The following RAC1 variants were observed in gnomAD, a reference collection of about 807,000 sequenced individuals.
RAC1 encodes ras-related C3 botulinum toxin substrate 1.
RAC1 carries 2 observed loss-of-function variants against 25.2 expected under a neutral mutation model. The observed-to-expected ratio is 0.08, with a 90% CI of 0.03 to 0.25. The LOEUF (loss-of-function observed/expected upper bound fraction) is 0.25. RAC1 is among the 10% of genes least tolerant of loss of function. The pLI is 1.00. For synonymous variants in RAC1, 88 were observed against 94.0 expected (o/e 0.94, Z 0.37); for missense variants, 50 against 235.7 (o/e 0.21, Z 5.16).
intron 1 of RAC1, among the ~76,000 whole-genome samples, chr7:6,381,957 T>TA (rs1782777705): frequency 6.6e-6 from 1 of 152,106 alleles, no homozygotes; most frequent in Non-Finnish European, 1.5e-5. Flanking sequence ...ATTTGACAGT[T>TA]ACTAAATTCT....
At chr7:6,380,190 T>G (rs1782725429) in intron 1 of RAC1, among the ~76,000 whole-genome samples, 1 of 152,192 alleles carries the variant, frequency 6.6e-6, no homozygotes, top group African/African-American at 2.4e-5. Context: ...TGAATTTGTT[T>G]AAGCTTTTCA....
intron 1 of RAC1, among the ~76,000 whole-genome samples, chr7:6,376,108 T>A (rs1782584932): frequency 6.6e-6 from 1 of 150,686 alleles, no homozygotes; most frequent in African/African-American, 2.4e-5. Context: ...CTGATTTTTG[T>A]AAGATGCCCA....
chr7:6,399,008 C>T (rs892448931), intron 3 of RAC1, among the ~76,000 whole-genome samples: 1 of 152,202 alleles, frequency 6.6e-6, no homozygotes, highest in Admixed American at 6.5e-5. Context: ...ATGGAGACTC[C>T]TCCCGGAAGC....
chr7:6,376,862 C>G (rs1476885483), intron 1 of RAC1, among the ~76,000 whole-genome samples: 1 of 147,590 alleles, frequency 6.8e-6, no homozygotes, highest in South Asian at 2.1e-4. Context: ...ATAGCAGATA[C>G]GTTTATTTAA....
intron 2 of RAC1, among the ~76,000 whole-genome samples, chr7:6,389,655 G>T (rs977405782): frequency 6.6e-6 from 1 of 152,028 alleles, no homozygotes; most frequent in Non-Finnish European, 1.5e-5. Flanking sequence ...ACTCCAGCCT[G>T]GGCAACAGAA....
Position 6,395,044 on chromosome 7 carries a change from C to T in RAC1, c.225+3003C>T, listed in dbSNP as rs36066556. 1.4e-3 allele frequency among the ~76,000 whole-genome samples: 210 copies of T among 152,134 alleles called. 1 individual carries two copies. The highest frequency in any genetic ancestry group is 4.7e-3 in the African/African-American group (195 of 41,500). On this transcript the variant is annotated intron_variant, in intron 3 of 5. Coordinates refer to ENST00000348035, the MANE Select transcript of RAC1 (RefSeq NM_006908.5). Reference sequence around the variant, plus strand: ...TAATTTTTTATATTTTTAGTAGAGACGGGGTTTCACCATGTTAGCCAGGAT... The same window carrying T: ...TAATTTTTTATATTTTTAGTAGAGATGGGGTTTCACCATGTTAGCCAGGAT...
In RAC1 at chr7:6,403,374, GGTT is replaced by G. The variant is rs1379363573; in HGVS notation, c.*932_*934del. ...TGGGCATTTAATTCATCTTTAAACTGGTTGTTCTGTTAGTCGCTAACTTAGTAA... is the reference window on the plus strand; with the variant it reads ...TGGGCATTTAATTCATCTTTAAACTGGTTCTGTTAGTCGCTAACTTAGTAA... On this transcript the variant is annotated 3_prime_UTR_variant, in exon 6 of 6. Coordinates refer to ENST00000348035, the MANE Select transcript of RAC1 (RefSeq NM_006908.5). 1.2e-4 allele frequency: 26 copies of G among 211,872 alleles called. No homozygotes were observed. The highest frequency in any genetic ancestry group is 5.4e-4 in the African/African-American group (24 of 44,244). The allele number at this position is 211,872 out of a possible 1,614,324, so 13.1% of individuals were successfully genotyped here.
At chr7:6,388,346 CTTTTTTTT>C (rs71008389) in intron 2 of RAC1, among the ~76,000 whole-genome samples, 4 of 121,810 alleles carry the variant, frequency 3.3e-5, no homozygotes, top group South Asian at 2.6e-4. Context: ...TGTTGTTTTC[CTTTTTTTT>C]TTTTTTTTTT....
intron 4 of RAC1, 136 bp downstream of exon 4, chr7:6,400,324 T>A (rs1783361572): frequency 2.4e-6 from 2 of 819,242 alleles, no homozygotes; most frequent in African/African-American, 1.7e-5. Flanking sequence ...AGTACATGAT[T>A]GGGTTTTTTT....
intron 2 of RAC1, 77 bp from the exon 3 acceptor site, chr7:6,391,847 C>G: frequency 6.2e-7 from 1 of 1,600,618 alleles, no homozygotes; most frequent in Non-Finnish European, 8.5e-7. Flanking sequence ...TTTTTCTTGG[C>G]ACACCTTCTC....
chr7:6,389,025 A>AC (rs999671736), intron 2 of RAC1, among the ~76,000 whole-genome samples: 4 of 151,244 alleles, frequency 2.6e-5, no homozygotes, highest in Non-Finnish European at 3.0e-5. Flanking sequence ...ACATGTTAAA[A>AC]CCCCCACCTC....
At chr7:6,392,919 A>G (rs761835963) in intron 3 of RAC1, among the ~76,000 whole-genome samples, 3 of 152,184 alleles carry the variant, frequency 2.0e-5, no homozygotes, top group South Asian at 2.1e-4. Context: ...TCACGCACGC[A>G]TAACAGTCCT....
At chr7:6,375,913 A>G (rs1205739254) in intron 1 of RAC1, 6 of 152,022 alleles carry the variant, frequency 3.9e-5, no homozygotes, top group Non-Finnish European at 7.4e-5. Flanking sequence ...CGTTGCTTGT[A>G]TAGGTTAGTG....
At chr7:6,388,453 C>A (rs1187804269) in intron 2 of RAC1, among the ~76,000 whole-genome samples, 2 of 145,096 alleles carry the variant, frequency 1.4e-5, no homozygotes, top group Admixed American at 1.4e-4. Context: ...TCAAGTGATT[C>A]TCTGCCTCAG....
chr7:6,394,078 C>G (rs1220623097), intron 3 of RAC1, among the ~76,000 whole-genome samples: 2 of 152,104 alleles, frequency 1.3e-5, no homozygotes, highest in East Asian at 3.9e-4. Flanking sequence ...GGTCTGCAGA[C>G]CTGTTGATGT....
In RAC1 at chr7:6,374,762, G is replaced by A; in HGVS notation, c.27G>A (p.Val9=). 8.7e-7 allele frequency: 1 copy of A among 1,148,924 alleles called. No individual in the cohort carries two copies. The highest frequency in any genetic ancestry group is 1.1e-6 in the Non-Finnish European group (1 of 927,508). 71.2% of individuals were successfully genotyped at this position (1,148,924 alleles called of 1,614,324 possible). ...TGCAGGCCATCAAGTGTGTGGTGGT[G>A]GGAGACGGGTGAGTGCGCGGCCGGG... MQAIKCVV[V]GDGAVGKTCL... Residue 9 remains valine, a synonymous_variant, in exon 1 of 6, where the codon GTG becomes GTA. Transcript: ENST00000348035.
intron 1 of RAC1, among the ~76,000 whole-genome samples, chr7:6,381,046 C>G (rs529696360): frequency 9.2e-4 from 140 of 151,892 alleles, no homozygotes; most frequent in Non-Finnish European, 1.6e-3. Context: ...TTTTTGTATT[C>G]TTAGTTGAGA....
At chr7:6,395,042 G>A (rs1216276668) in intron 3 of RAC1, among the ~76,000 whole-genome samples, 4 of 152,124 alleles carry the variant, frequency 2.6e-5, no homozygotes, top group African/African-American at 9.7e-5. Flanking sequence ...TTTTAGTAGA[G>A]ACGGGGTTTC....
Position 6,402,536 on chromosome 7 carries a change from A to AAAAAAC in RAC1, c.*91_*92insAAAACA. ...ACAAAAAAAAAAAACAAAAAAAAAAAACAACGGTGGAGCCTTCGCACTCAA... is the reference window on the plus strand; with the variant it reads ...ACAAAAAAAAAAAACAAAAAAAAAAAAAAAACACAACGGTGGAGCCTTCGCACTCAA... On this transcript the variant is annotated 3_prime_UTR_variant, in exon 6 of 6. Transcript: ENST00000348035. The AAAAAAC allele has an allele frequency of 1.2e-5, 11 of 947,896 alleles. No homozygotes were observed. The East Asian group carries it at 1.5e-4, about 13-fold the overall frequency. The allele number at this position is 947,896 out of a possible 1,614,324, so 58.7% of individuals were successfully genotyped here.
Sources: allele counts gnomAD v4.1 joint callset (sites outside exome capture counted in the v4.1 genomes callset), GRCh38; gene constraint gnomAD v4.1.1; transcripts MANE v1.5; gene names NCBI Gene and HGNC (gene_info 2026-07-23, HGNC 2026-07-21).